Variants in KHDRBS2 observed in about 807,000 individuals in gnomAD.
KHDRBS2 encodes KH domain-containing, RNA-binding, signal transduction-associated protein 2.
Under a neutral mutation model 44.3 loss-of-function variants are expected in KHDRBS2, and 26 were observed. That is an observed-to-expected ratio of 0.59 (90% CI 0.43 to 0.81). The LOEUF is 0.81. KHDRBS2 is among the 40% of genes least tolerant of loss of function. The pLI, the probability that KHDRBS2 is intolerant of heterozygous loss-of-function variation, is 0.00. For synonymous variants in KHDRBS2, 194 were observed against 151.1 expected (o/e 1.28, Z -2.08); for missense variants, 476 against 433.1 (o/e 1.10, Z -0.88).
chr6:62,014,797 G>T (rs1225455506), intron 3 of KHDRBS2, among the ~76,000 whole-genome samples: 1 of 151,978 alleles, frequency 6.6e-6, no homozygotes, highest in African/African-American at 2.4e-5. Flanking sequence ...ATTTTCATGG[G>T]AATGTTACTA....
chr6:61,718,360 T>C (rs1377252491), intron 7 of KHDRBS2, among the ~76,000 whole-genome samples: 2 of 152,146 alleles, frequency 1.3e-5, no homozygotes, highest in African/African-American at 4.8e-5. Context: ...TTTAAAAGCA[T>C]TACTGTTTCC....
chr6:61,819,073 T>C (rs1396715705), intron 6 of KHDRBS2, among the ~76,000 whole-genome samples: 1 of 152,014 alleles, frequency 6.6e-6, no homozygotes, highest in Non-Finnish European at 1.5e-5. Flanking sequence ...TTTTCCAATA[T>C]ATTTTTCTTC....
chr6:61,797,662 A>T (rs1033577994), intron 6 of KHDRBS2, among the ~76,000 whole-genome samples: 37 of 151,858 alleles, frequency 2.4e-4, no homozygotes, highest in African/African-American at 8.9e-4. Flanking sequence ...ACCTCATTGT[A>T]ACATAATGCT....
At chr6:62,192,055 GT>G (rs1235659251) in intron 1 of KHDRBS2, among the ~76,000 whole-genome samples, 1 of 151,986 alleles carries the variant, frequency 6.6e-6, no homozygotes, top group African/African-American at 2.4e-5. Context: ...CTGTCTGAAA[GT>G]TTTGGATTGA....
chr6:62,031,189 G>A (rs1475875630), intron 3 of KHDRBS2, among the ~76,000 whole-genome samples: 1 of 152,062 alleles, frequency 6.6e-6, no homozygotes, highest in African/African-American at 2.4e-5. Flanking sequence ...GAAGGTGCCA[G>A]TCTTGGCATG....
At chr6:61,762,481 A>G (rs567471204) in intron 6 of KHDRBS2, among the ~76,000 whole-genome samples, 1 of 152,214 alleles carries the variant, frequency 6.6e-6, no homozygotes, top group South Asian at 2.1e-4. Flanking sequence ...GCTCGTGGTA[A>G]TGAGTGAGTT....
At chr6:62,010,158 CT>C (rs1408803764) in intron 3 of KHDRBS2, among the ~76,000 whole-genome samples, 1 of 152,182 alleles carries the variant, frequency 6.6e-6, no homozygotes, top group East Asian at 1.9e-4. Flanking sequence ...AGGAACCTAT[CT>C]CTTGCAACAG....
At chr6:62,118,208 T>C (rs1040829220) in intron 2 of KHDRBS2, among the ~76,000 whole-genome samples, 1 of 152,234 alleles carries the variant, frequency 6.6e-6, no homozygotes, top group Non-Finnish European at 1.5e-5. Context: ...TGACAATCAA[T>C]TTGTGGACTT....
chr6:61,674,594 CATT>C, the KHDRBS2 span, among the ~76,000 whole-genome samples: 1 of 151,724 alleles, frequency 6.6e-6, no homozygotes, highest in Non-Finnish European at 1.5e-5. Context: ...ATTCCACTAT[CATT>C]ATTGTTATTA....
chr6:62,176,619 C>T (rs1281010058), intron 2 of KHDRBS2, among the ~76,000 whole-genome samples: 1 of 151,060 alleles, frequency 6.6e-6, no homozygotes, highest in Non-Finnish European at 1.5e-5. Flanking sequence ...CCACTGAATG[C>T]TATCTTTTAT....
intron 6 of KHDRBS2, among the ~76,000 whole-genome samples, chr6:61,738,308 T>C (rs571286048): frequency 3.3e-5 from 5 of 151,982 alleles, no homozygotes; most frequent in Admixed American, 2.6e-4. Flanking sequence ...ATTTGATATC[T>C]CCCACAAAAA....
intron 3 of KHDRBS2, among the ~76,000 whole-genome samples, chr6:62,043,122 C>G (rs1211110485): frequency 6.6e-6 from 1 of 151,990 alleles, no homozygotes. Flanking sequence ...TTCTCTAACC[C>G]CTCTAACCTT....
chr6:61,578,975 T>C, the KHDRBS2 span, among the ~76,000 whole-genome samples: 3 of 152,186 alleles, frequency 2.0e-5, no homozygotes, highest in African/African-American at 7.2e-5. Flanking sequence ...TTTATCCCTA[T>C]TCAAACAAAC....
At chr6:61,824,360 TC>T (rs34658995) in intron 6 of KHDRBS2, among the ~76,000 whole-genome samples, 1 of 151,964 alleles carries the variant, frequency 6.6e-6, no homozygotes, top group African/African-American at 2.4e-5. Flanking sequence ...CGTGTAGCAC[TC>T]CCCCTTCATG....
chr6:62,144,278 C>T (rs1813468682), intron 2 of KHDRBS2, among the ~76,000 whole-genome samples: 1 of 151,952 alleles, frequency 6.6e-6, no homozygotes, highest in African/African-American at 2.4e-5. Context: ...TATAATCACA[C>T]ATTTTTCCTG....
intron 2 of KHDRBS2, among the ~76,000 whole-genome samples, chr6:62,077,007 C>T (rs1223392324): frequency 6.6e-6 from 1 of 151,944 alleles, no homozygotes. Flanking sequence ...GATTCCATCA[C>T]TCTGCTCCAC....
chr6:61,945,940 T>C (rs1446802488), intron 4 of KHDRBS2, among the ~76,000 whole-genome samples: 1 of 152,198 alleles, frequency 6.6e-6, no homozygotes, highest in Non-Finnish European at 1.5e-5. Context: ...TAGTAAGTCT[T>C]GCATTATAAA....
chr6:61,662,178 GA>G, the KHDRBS2 span, among the ~76,000 whole-genome samples: 1 of 152,082 alleles, frequency 6.6e-6, no homozygotes, highest in Non-Finnish European at 1.5e-5. Context: ...ATGGTGCTGG[GA>G]AAACTGTCTA....
intron 4 of KHDRBS2, among the ~76,000 whole-genome samples, chr6:61,935,326 T>C (rs1455934391): frequency 6.6e-6 from 1 of 152,166 alleles, no homozygotes; most frequent in Non-Finnish European, 1.5e-5. Context: ...GTATCACCTC[T>C]GTCAAGTCTG....
Sources: gnomAD v4.1 joint callset for allele counts (sites outside exome capture counted in the v4.1 genomes callset) on GRCh38, gnomAD v4.1.1 for gene constraint, MANE v1.5 for transcripts, NCBI Gene and HGNC (gene_info 2026-07-23, HGNC 2026-07-21) for gene names.